The following ERC2 variants were observed in gnomAD, a reference collection of about 807,000 sequenced individuals.
ERC2 encodes ELKS/RAB6-interacting/CAST family member 2, also known as ERC protein 2.
Under a neutral mutation model 114.8 loss-of-function variants are expected in ERC2, and 42 were observed. The ratio of observed to expected loss-of-function variants is 0.37; its 90% CI spans 0.29 to 0.47. The LOEUF (loss-of-function observed/expected upper bound fraction) is 0.47, where lower values mean the gene tolerates loss of function less well. Ranked by LOEUF, ERC2 falls within the 20% of genes least tolerant of loss-of-function variation. ERC2 has a pLI of 0.99. For synonymous variants in ERC2, 454 were observed against 425.5 expected (o/e 1.07, Z -0.82); for missense variants, 939 against 1,150.7 (o/e 0.82, Z 2.66).
chr3:55,978,472 T>G (rs971821362), intron 12 of ERC2, among the ~76,000 whole-genome samples: 1 of 152,216 alleles, frequency 6.6e-6, no homozygotes, highest in African/African-American at 2.4e-5. Context: ...TTCTGGCAAC[T>G]CAGGTTTTTA....
intron 17 of ERC2, among the ~76,000 whole-genome samples, chr3:55,567,216 G>A (rs1339101587): frequency 6.6e-6 from 1 of 152,196 alleles, no homozygotes; most frequent in Non-Finnish European, 1.5e-5. Context: ...ATCAATGATG[G>A]AGTGGTGAGG....
At chr3:56,183,835 G>A (rs1321575066) in intron 3 of ERC2, among the ~76,000 whole-genome samples, 1 of 151,930 alleles carries the variant, frequency 6.6e-6, no homozygotes, top group African/African-American at 2.4e-5. Flanking sequence ...AGATCCAAGA[G>A]GTAAGGGCTG....
At chr3:55,848,048 C>T (rs532297273) in intron 14 of ERC2, among the ~76,000 whole-genome samples, 27 of 152,192 alleles carry the variant, frequency 1.8e-4, no homozygotes, top group Non-Finnish European at 2.9e-4. Flanking sequence ...TTTGCCACCT[C>T]GGCCTCCCAA....
At chr3:55,700,617 T>C (rs147423099) in intron 15 of ERC2, among the ~76,000 whole-genome samples, 1 of 152,320 alleles carries the variant, frequency 6.6e-6, no homozygotes, top group Non-Finnish European at 1.5e-5. Context: ...TCCTCCTTTG[T>C]ATGTGCTGCT....
At chr3:56,399,006 C>G (rs1433458512) in intron 2 of ERC2, among the ~76,000 whole-genome samples, 1 of 152,190 alleles carries the variant, frequency 6.6e-6, no homozygotes, top group Admixed American at 6.5e-5. Flanking sequence ...AGTCCCAGTT[C>G]TTCCTCTGTA....
At chr3:55,515,423 A>G (rs2052422744) in intron 17 of ERC2, among the ~76,000 whole-genome samples, 1 of 152,048 alleles carries the variant, frequency 6.6e-6, no homozygotes, top group South Asian at 2.1e-4. Context: ...GCTGGAGTGC[A>G]GTGGCGCAAT....
At chr3:56,217,347 C>T (rs1486301143) in intron 3 of ERC2, among the ~76,000 whole-genome samples, 6 of 152,136 alleles carry the variant, frequency 3.9e-5, no homozygotes, top group African/African-American at 7.2e-5. Flanking sequence ...ACACCAATAA[C>T]AGACAAACAG....
chr3:56,369,908 C>T (rs2059300018), intron 2 of ERC2, among the ~76,000 whole-genome samples: 1 of 152,146 alleles, frequency 6.6e-6, no homozygotes, highest in Non-Finnish European at 1.5e-5. Context: ...ATCTCTTGAC[C>T]TCATGATCCA....
intron 7 of ERC2, among the ~76,000 whole-genome samples, chr3:56,030,700 G>C (rs903946844): frequency 6.6e-6 from 1 of 152,186 alleles, no homozygotes; most frequent in African/African-American, 2.4e-5. Flanking sequence ...GGAGTTTCCA[G>C]TGCTAATCCT....
At position 55,571,440 on chromosome 3, in the gene ERC2, G is replaced by A. The variant is rs1575615467; in HGVS notation, c.*40-60164C>T. On this transcript the variant is annotated intron_variant, in intron 17 of 17. Transcript: ENST00000288221. ...CTTCCTCCCTTCTGGGGCTCTTCTA[G>A]GGGTCTCACACTCCAGACCATTATT... 2.0e-5 allele frequency among the ~76,000 whole-genome samples: 3 copies of A among 152,218 alleles called. No homozygotes were observed. In the South Asian group the frequency reaches 6.2e-4, roughly 32 times the overall value.
At chr3:55,772,660 C>A (rs547906900) in intron 14 of ERC2, among the ~76,000 whole-genome samples, 1 of 152,094 alleles carries the variant, frequency 6.6e-6, no homozygotes, top group South Asian at 2.1e-4. Context: ...TTCAAGTTAT[C>A]ACCCATCCTT....
intron 14 of ERC2, among the ~76,000 whole-genome samples, chr3:55,737,492 C>A (rs113684620): frequency 6.6e-6 from 1 of 152,186 alleles, no homozygotes; most frequent in Admixed American, 6.5e-5. Flanking sequence ...TCTGCTATTC[C>A]AAACTTTAGC....
intron 17 of ERC2, among the ~76,000 whole-genome samples, chr3:55,546,213 C>T (rs974135593): frequency 3.3e-5 from 5 of 152,322 alleles, no homozygotes; most frequent in Non-Finnish European, 5.9e-5. Flanking sequence ...TCCTGGGCCT[C>T]TTCATTCTGT....
At chr3:56,380,791 A>G (rs1343856782) in intron 2 of ERC2, among the ~76,000 whole-genome samples, 3 of 152,246 alleles carry the variant, frequency 2.0e-5, no homozygotes, top group African/African-American at 7.2e-5. Context: ...TTCTTGAAAT[A>G]TCAAACACAT....
At position 56,085,572 on chromosome 3, in the gene ERC2, G is replaced by A. The variant is rs537632148; in HGVS notation, c.1474-4588C>T. Among the ~76,000 whole-genome samples, 4 of 152,250 alleles carry A rather than the reference G, an allele frequency of 2.6e-5. No homozygotes were observed. In the South Asian group the frequency reaches 8.3e-4, roughly 32 times the overall value. ...TCATGACAGGTGCACTAAAGATGATGCCCTACAGATGGGCCACAGATTCTC... is the reference window on the plus strand; with the variant it reads ...TCATGACAGGTGCACTAAAGATGATACCCTACAGATGGGCCACAGATTCTC... On this transcript the variant is annotated intron_variant, in intron 6 of 17. Transcript: ENST00000288221.
intron 13 of ERC2, among the ~76,000 whole-genome samples, chr3:55,930,574 C>A (rs1435699906): frequency 6.6e-6 from 1 of 152,076 alleles, no homozygotes; most frequent in Non-Finnish European, 1.5e-5. Context: ...AAACTGGACC[C>A]CTTCCTTACA....
chr3:56,457,287 C>T (rs546428826), intron 1 of ERC2, among the ~76,000 whole-genome samples: 7 of 152,296 alleles, frequency 4.6e-5, no homozygotes, highest in Admixed American at 4.6e-4. Flanking sequence ...AGTCCCACTG[C>T]AGATCTTTCA....
chr3:55,567,585 G>T (rs1173560338), intron 17 of ERC2, among the ~76,000 whole-genome samples: 2 of 152,120 alleles, frequency 1.3e-5, no homozygotes, highest in Non-Finnish European at 2.9e-5. Context: ...GGCCTGGAGT[G>T]GGTGGTGAAT....
intron 2 of ERC2, among the ~76,000 whole-genome samples, chr3:56,390,341 T>C (rs2060084188): frequency 6.6e-6 from 1 of 152,182 alleles, no homozygotes; most frequent in East Asian, 1.9e-4. Flanking sequence ...AAATAGAATT[T>C]CACGACTTTC....
Sources: gnomAD v4.1 joint callset for allele counts (sites outside exome capture counted in the v4.1 genomes callset) on GRCh38, gnomAD v4.1.1 for gene constraint, MANE v1.5 for transcripts, NCBI Gene and HGNC (gene_info 2026-07-23, HGNC 2026-07-21) for gene names.